The following CLEC1A variants were observed in gnomAD, a reference collection of about 807,000 sequenced individuals.
The protein encoded by CLEC1A is C-type lectin-like receptor-1.
Under a neutral mutation model 28.7 loss-of-function variants are expected in CLEC1A, and 34 were observed. The ratio of observed to expected loss-of-function variants is 1.18; its 90% confidence interval spans 0.90 to 1.57. CLEC1A has a LOEUF of 1.57. Among genes scored for constraint, CLEC1A ranks in the 40% most tolerant of loss-of-function variants. The pLI is 0.00. For synonymous variants in CLEC1A, 116 were observed against 121.0 expected, an observed-to-expected ratio of 0.96 and a Z score of 0.27; for missense variants, 385 against 339.5, an observed-to-expected ratio of 1.13 and a Z score of -1.05.
intron 1 of CLEC1A, among the ~76,000 whole-genome samples, chr12:10,098,235 C>G (rs1414607781): frequency 2.0e-5 from 3 of 151,952 alleles, no homozygotes; most frequent in Non-Finnish European, 4.4e-5. Flanking sequence ...TTGTGTCAGT[C>G]TATATCAGAT....
intron 2 of CLEC1A, among the ~76,000 whole-genome samples, chr12:10,086,910 G>C (rs1477959179): frequency 1.3e-5 from 2 of 151,964 alleles, no homozygotes; most frequent in African/African-American, 4.8e-5. Flanking sequence ...ATCAACAAAA[G>C]GCTAGCTAAC....
intron 3 of CLEC1A, among the ~76,000 whole-genome samples, chr12:10,078,689 G>A (rs1328382802): frequency 2.0e-5 from 3 of 152,148 alleles, no homozygotes; most frequent in Admixed American, 2.0e-4. Flanking sequence ...AACGTTGGGG[G>A]CCAACTTGGA....
At chr12:10,093,965 T>C (rs1374758324) in intron 1 of CLEC1A, among the ~76,000 whole-genome samples, 1 of 152,130 alleles carries the variant, frequency 6.6e-6, no homozygotes, top group African/African-American at 2.4e-5. Flanking sequence ...CTATTTCAAA[T>C]ATTGCTATTT....
chr12:10,098,663 A>C, intron 1 of CLEC1A, 145 bp downstream of exon 1: 1 of 570,050 alleles, frequency 1.8e-6, no homozygotes, highest in Non-Finnish European at 3.1e-6. Flanking sequence ...AACTGAAAAA[A>C]AAAAATCACT....
At chr12:10,081,834 A>G (rs1241162226) in intron 2 of CLEC1A, among the ~76,000 whole-genome samples, 2 of 152,074 alleles carry the variant, frequency 1.3e-5, no homozygotes, top group African/African-American at 4.8e-5. Flanking sequence ...TGAAGTGGGG[A>G]AAACCCACCT....
At position 10,081,325 on chromosome 12, in the gene CLEC1A, T is replaced by C. The variant is rs150508480; in HGVS notation, c.303A>G (p.Gln101=). 1.1e-5 allele frequency: 18 copies of C among 1,613,366 alleles called. No individual in the cohort carries two copies. The highest frequency in any genetic ancestry group is 1.1e-4 in the African/African-American group (8 of 74,818). The part of the protein sequence containing the change: ...ERLGNTSQEL[Q]SLQVQNIKLA... ...GCTTTATATTCTGGACTTGAAGAGA[T>C]TGCAACTCTTGGGACGTATTTCCTA... Residue 101 remains glutamine (Q), a synonymous_variant, in exon 3 of 6, where the codon CAA becomes CAG. Transcript: ENST00000315330.
intron 1 of CLEC1A, chr12:10,092,607 C>A (rs1947721549): frequency 5.5e-6 from 1 of 181,660 alleles, no homozygotes; most frequent in Non-Finnish European, 1.2e-5. Flanking sequence ...TCTGCTTTCT[C>A]TCGCATAATA....
Position 10,071,326 on chromosome 12 carries a change from G to A in CLEC1A, c.*7C>T. 1 of 1,611,730 alleles carries A rather than the reference G, an allele frequency of 6.2e-7. No individual in the cohort carries two copies. Among genetic ancestry groups the A allele is most frequent in the Non-Finnish European group, 8.5e-7 (1 of 1,178,740 alleles). Reference sequence around the variant, plus strand: ...TCACTCTGCTATTTGTAGTTGCAGAGGGCGAATCAGTCACCTTCGCCTAAT... The same window carrying A: ...TCACTCTGCTATTTGTAGTTGCAGAAGGCGAATCAGTCACCTTCGCCTAAT... On this transcript the variant is annotated 3_prime_UTR_variant, in exon 6 of 6. Transcript: ENST00000315330.
intron 1 of CLEC1A, among the ~76,000 whole-genome samples, chr12:10,091,687 T>C (rs1364950995): frequency 6.6e-6 from 1 of 151,366 alleles, no homozygotes; most frequent in Non-Finnish European, 1.5e-5. Flanking sequence ...GCAGAATATA[T>C]AGTTTGGGTT....
intron 2 of CLEC1A, among the ~76,000 whole-genome samples, chr12:10,087,078 G>A (rs144349093): frequency 0.022 from 3,353 of 151,710 alleles, 53 homozygotes; most frequent in Non-Finnish European, 0.035. Flanking sequence ...GGTAGTGGGT[G>A]CCTGTAATCT....
intron 4 of CLEC1A, 23 bp downstream of exon 4, chr12:10,075,481 A>G: frequency 1.9e-6 from 3 of 1,611,518 alleles, no homozygotes; most frequent in Non-Finnish European, 2.5e-6. Context: ...TCCTTCAAAC[A>G]TTGAAAAGCC....
At chr12:10,096,839 ACT>A (rs1386628128) in intron 1 of CLEC1A, among the ~76,000 whole-genome samples, 1 of 151,920 alleles carries the variant, frequency 6.6e-6, no homozygotes, top group African/African-American at 2.4e-5. Context: ...GTTAAAATTA[ACT>A]CAACTCCACA....
chr12:10,090,833 G>A (rs983372649), intron 1 of CLEC1A, among the ~76,000 whole-genome samples: 10 of 147,346 alleles, frequency 6.8e-5, no homozygotes, highest in Admixed American at 6.7e-4. Flanking sequence ...TAAAAAAAAT[G>A]GCAATTTTAT....
At chr12:10,083,954 G>A (rs1866423695) in intron 2 of CLEC1A, among the ~76,000 whole-genome samples, 1 of 151,992 alleles carries the variant, frequency 6.6e-6, no homozygotes, top group East Asian at 1.9e-4. Context: ...TTCAGAGCTT[G>A]AAGACAAGGC....
chr12:10,072,055 T>C (rs1359276931), intron 5 of CLEC1A, among the ~76,000 whole-genome samples: 1 of 151,930 alleles, frequency 6.6e-6, no homozygotes, highest in Non-Finnish European at 1.5e-5. Context: ...TGGTGGGAGG[T>C]GTTCGGGTCA....
chr12:10,091,165 T>G (rs1052398284), intron 1 of CLEC1A, among the ~76,000 whole-genome samples: 1 of 152,214 alleles, frequency 6.6e-6, no homozygotes, highest in African/African-American at 2.4e-5. Flanking sequence ...TTGTTTCTTT[T>G]TGTCTGTCTC....
intron 1 of CLEC1A, among the ~76,000 whole-genome samples, chr12:10,096,022 TC>T (rs1299525987): frequency 6.6e-6 from 1 of 152,190 alleles, no homozygotes; most frequent in Non-Finnish European, 1.5e-5. Context: ...TCACTCACTC[TC>T]ATACATTTTA....
Position 10,070,701 on chromosome 12 carries a change from G to C in CLEC1A, c.*632C>G, listed in dbSNP as rs1866107234. 6.6e-6 allele frequency: 1 copy of C among 152,188 alleles called. No individual in the cohort carries two copies. Among genetic ancestry groups the C allele is most frequent in the African/African-American group, 2.4e-5 (1 of 41,442 alleles). 9.4% of individuals were successfully genotyped at this position (152,188 alleles called of 1,614,324 possible). A position where few individuals can be genotyped will look rare whatever the true frequency, so the allele number is the denominator to read the frequency against. The stretch of plus-strand genomic sequence containing the variant: ...TTTCCTGGGAGAAATTCCTATGGAG[G>C]GGAGACAATTATCAGAGTCTTAATG... On this transcript the variant is annotated 3_prime_UTR_variant, in exon 6 of 6. Transcript: ENST00000315330.
chr12:10,086,929 G>T (rs761449590), intron 2 of CLEC1A, among the ~76,000 whole-genome samples: 3 of 152,036 alleles, frequency 2.0e-5, no homozygotes, highest in Non-Finnish European at 4.4e-5. Flanking sequence ...ACTGAGGCCT[G>T]GCACGGTGGC....
Sources: allele counts gnomAD v4.1 joint callset (sites outside exome capture counted in the v4.1 genomes callset), GRCh38; gene constraint gnomAD v4.1.1; transcripts MANE v1.5; gene names NCBI Gene and HGNC (gene_info 2026-07-23, HGNC 2026-07-21).